Variants in VCL observed in about 807,000 individuals in gnomAD.
VCL encodes epididymis luminal protein 114.
Under a neutral mutation model 125.7 loss-of-function variants are expected in VCL, and 47 were observed. The observed-to-expected ratio is 0.37, with a 90% CI of 0.30 to 0.48. The LOEUF (loss-of-function observed/expected upper bound fraction) is 0.48, where lower values mean the gene tolerates loss of function less well. VCL is among the 20% of genes least tolerant of loss of function. VCL has a pLI of 0.99. For synonymous variants in VCL, 458 were observed against 514.6 expected (o/e 0.89, Z 1.49); for missense variants, 1,069 against 1,455.5 (o/e 0.73, Z 4.32).
At chr10:74,091,791 C>CAAAAAAA (rs545539526) in intron 10 of VCL, among the ~76,000 whole-genome samples, 964 of 59,958 alleles carry the variant, frequency 0.016, 2 homozygotes, top group Middle Eastern at 0.048. Flanking sequence ...TCTGTCTCAG[C>CAAAAAAA]AAAAAAAAAA....
chr10:74,062,225 A>G (rs1841493124), intron 2 of VCL, among the ~76,000 whole-genome samples: 1 of 151,126 alleles, frequency 6.6e-6, no homozygotes, highest in Non-Finnish European at 1.5e-5. Context: ...ACCACCACAC[A>G]TGGCTAATTT....
chr10:74,098,910 C>T (rs1041783767), intron 13 of VCL, among the ~76,000 whole-genome samples: 2 of 152,100 alleles, frequency 1.3e-5, no homozygotes, highest in Admixed American at 6.5e-5. Flanking sequence ...ATATGTTGTC[C>T]TTCTGTTCTC....
chr10:74,103,295 T>C (rs551251213), intron 14 of VCL, among the ~76,000 whole-genome samples: 3 of 152,234 alleles, frequency 2.0e-5, no homozygotes, highest in Non-Finnish European at 4.4e-5. Flanking sequence ...TGGCAAATGT[T>C]AATCCTTTTT....
chr10:74,000,259 CTTTTTTT>C (rs34197555), intron 1 of VCL, among the ~76,000 whole-genome samples: 2 of 114,822 alleles, frequency 1.7e-5, no homozygotes, highest in South Asian at 5.4e-4. Context: ...TTGTATTTTG[CTTTTTTT>C]TTTTTTTTTT....
chr10:74,118,284 C>G lies in VCL; in HGVS notation c.*115C>G. On this transcript the variant is annotated 3_prime_UTR_variant, in exon 22 of 22. Transcript: ENST00000211998. ...GCTGAAAAATCACATCCTGGCCTGGCACATCAGAAAGGAATGGGGGCCTCT... is the reference window on the plus strand; with the variant it reads ...GCTGAAAAATCACATCCTGGCCTGGGACATCAGAAAGGAATGGGGGCCTCT... 1 of 1,353,868 alleles carries G rather than the reference C, an allele frequency of 7.4e-7. No individual in the cohort carries two copies. The highest frequency in any genetic ancestry group is 1.2e-5 in the South Asian group (1 of 82,002). The allele number at this position is 1,353,868 out of a possible 1,614,324, so 83.9% of individuals were successfully genotyped here. A position where few individuals can be genotyped will look rare whatever the true frequency, so the allele number is the denominator to read the frequency against.
intron 1 of VCL, among the ~76,000 whole-genome samples, chr10:74,035,903 A>G (rs1840967202): frequency 6.6e-6 from 1 of 152,224 alleles, no homozygotes; most frequent in African/African-American, 2.4e-5. Flanking sequence ...TATAACAACT[A>G]TGTACATAGC....
chr10:74,055,955 AC>A (rs1841383284), intron 2 of VCL, among the ~76,000 whole-genome samples: 1 of 152,184 alleles, frequency 6.6e-6, no homozygotes. Flanking sequence ...TGTGACTTAT[AC>A]ACATCTTTAA....
intron 1 of VCL, among the ~76,000 whole-genome samples, chr10:74,007,211 T>C (rs1168833614): frequency 6.6e-6 from 1 of 152,184 alleles, no homozygotes; most frequent in Non-Finnish European, 1.5e-5. Flanking sequence ...ACTCCTGGGC[T>C]CAAGTGATCC....
intron 2 of VCL, among the ~76,000 whole-genome samples, chr10:74,050,494 CT>C (rs1004688512): frequency 3.9e-5 from 6 of 152,258 alleles, no homozygotes; most frequent in African/African-American, 1.4e-4. Context: ...ATGCTTTATA[CT>C]TAATTTAGAT....
rs113022675 is a variant in VCL at position 74,065,282 on chromosome 10, G to A, written c.240-5388G>A. Among the ~76,000 whole-genome samples, 52 of 151,878 alleles carry A rather than the reference G, an allele frequency of 3.4e-4. 1 individual carries two copies. Among genetic ancestry groups the A allele is most frequent in the African/African-American group, 9.4e-4 (39 of 41,424 alleles). On this transcript the variant is annotated intron_variant, in intron 2 of 21. Coordinates refer to ENST00000211998, the MANE Select transcript of VCL (RefSeq NM_014000.3). ...CTCCCAAGTAGCTGGGATTACAGGC[G>A]CTTGTCACCATGCCTGGCTAATTTT...
intron 1 of VCL, among the ~76,000 whole-genome samples, chr10:74,018,449 C>T (rs1294648641): frequency 1.3e-5 from 2 of 151,734 alleles, no homozygotes; most frequent in East Asian, 3.9e-4. Flanking sequence ...GGCCAAAGGC[C>T]CTTTTGCATA....
intron 1 of VCL, among the ~76,000 whole-genome samples, chr10:74,000,404 C>CTTTG (rs369969980): frequency 0.029 from 4,382 of 151,432 alleles, 65 homozygotes; most frequent in East Asian, 0.057. Flanking sequence ...AGCTGAAGGC[C>CTTTG]TTTGTTTGTT....
rs182637210 is a variant in VCL at position 74,092,673 on chromosome 10, A to G, written c.1353-1598A>G. On this transcript the variant is annotated intron_variant, in intron 10 of 21. Coordinates refer to ENST00000211998, the MANE Select transcript of VCL (RefSeq NM_014000.3). ...AGGCTTAATCACTTTCCAGCTCCAGATACCATCACTGGTTGACTATGCAGT... is the reference window on the plus strand; with the variant it reads ...AGGCTTAATCACTTTCCAGCTCCAGGTACCATCACTGGTTGACTATGCAGT... 6.2e-4 allele frequency among the ~76,000 whole-genome samples: 95 copies of G among 152,308 alleles called. 2 individuals are homozygous for G. In the East Asian group the frequency reaches 0.015, roughly 23 times the overall value.
intron 18 of VCL, among the ~76,000 whole-genome samples, chr10:74,110,985 G>C (rs2131936022): frequency 6.6e-6 from 1 of 152,252 alleles, no homozygotes; most frequent in Middle Eastern, 3.4e-3. Context: ...GCAGTCACTT[G>C]CCAAGTTCAC....
rs182475849 is a variant in VCL, at chr10:74,009,225, C to T, written c.168+10850C>T. Among the ~76,000 whole-genome samples, 877 of 124,954 alleles carry T rather than the reference C, an allele frequency of 7.0e-3. 75 individuals carry two copies. Among genetic ancestry groups the T allele is most frequent in the Non-Finnish European group, 9.8e-3 (570 of 58,374 alleles). 82.0% of individuals were successfully genotyped at this position (124,954 alleles called of 152,430 possible). On this transcript the variant is annotated intron_variant, in intron 1 of 21. Coordinates refer to ENST00000211998, the MANE Select transcript of VCL (RefSeq NM_014000.3). Reference sequence around the variant, plus strand: ...TAGGTGGCTGCTGCTTTCCCCCCCCCCCCCCGAGCCATTTTAGTATTTAAT... The same window carrying T: ...TAGGTGGCTGCTGCTTTCCCCCCCCTCCCCCGAGCCATTTTAGTATTTAAT...
rs1839960289 is a variant in VCL at position 74,095,846 on chromosome 10, C to T, written c.1734C>T (p.Asp578=). The T allele has an allele frequency of 1.9e-6, 3 of 1,613,744 alleles. No individual in the cohort carries two copies. Among genetic ancestry groups the T allele is most frequent in the African/African-American group, 1.3e-5 (1 of 75,052 alleles). The change falls in exon 12 of 22, where the codon GAC becomes GAT. Residue 578 remains aspartate (D), a synonymous_variant. Coordinates refer to ENST00000211998, the MANE Select transcript of VCL (RefSeq NM_014000.3). ...GAGCACTTGCATCTCAGCTCCAAGA[C>T]TCCTTAAAGGTAGAAGTCAGGAGCA... ...QARALASQLQ[D]SLKDLKARMQ...
chr10:74,055,334 ATATTT>A (rs1841373280), intron 2 of VCL, among the ~76,000 whole-genome samples: 2 of 152,024 alleles, frequency 1.3e-5, no homozygotes, highest in African/African-American at 4.8e-5. Context: ...GAATTTCATA[ATATTT>A]TATTTTATTT....
chr10:74,070,824 G>A lies in VCL; in HGVS notation c.390+4G>A, dbSNP rs1060502195. 1 of 1,613,906 alleles carries A rather than the reference G, an allele frequency of 6.2e-7. No individual in the cohort carries two copies. Among genetic ancestry groups the A allele is most frequent in the South Asian group, 1.1e-5 (1 of 91,078 alleles). ...CCTTACCTTCGATGAGGCTGAGGTAGGCAATCTGAGACAAAAAGCCTACTC... is the reference window on the plus strand; with the variant it reads ...CCTTACCTTCGATGAGGCTGAGGTAAGCAATCTGAGACAAAAAGCCTACTC... On this transcript the variant is annotated splice_donor_region_variant and intron_variant, in intron 3 of 21. Coordinates refer to ENST00000211998, the MANE Select transcript of VCL (RefSeq NM_014000.3).
At chr10:74,015,500 C>T (rs1164549167) in intron 1 of VCL, among the ~76,000 whole-genome samples, 2 of 151,768 alleles carry the variant, frequency 1.3e-5, no homozygotes, top group Non-Finnish European at 2.9e-5. Flanking sequence ...GTTGCAGTGC[C>T]ACTGCACTCC....
Sources: gnomAD v4.1 joint callset for allele counts (sites outside exome capture counted in the v4.1 genomes callset) on GRCh38, gnomAD v4.1.1 for gene constraint, MANE v1.5 for transcripts, NCBI Gene and HGNC (gene_info 2026-07-23, HGNC 2026-07-21) for gene names.